CPQ: variants seen among roughly 807,000 people sequenced by gnomAD.
CPQ encodes the protein carboxypeptidase Q.
CPQ carries 37 observed loss-of-function variants against 45.7 expected under a neutral mutation model. That is an observed-to-expected ratio of 0.81 (90% CI 0.62 to 1.07). CPQ has a LOEUF of 1.07. Ranked by LOEUF, CPQ falls within the 50% of genes least tolerant of loss-of-function variation. CPQ has a pLI of 0.00. For synonymous variants in CPQ, 186 were observed against 205.8 expected (o/e 0.90, Z 0.82); for missense variants, 537 against 572.9 (o/e 0.94, Z 0.64).
At chr8:96,958,399 G>A (rs1309999884) in intron 4 of CPQ, among the ~76,000 whole-genome samples, 1 of 152,042 alleles carries the variant, frequency 6.6e-6, no homozygotes. Context: ...AACTTATACT[G>A]TGGTTGCTGA....
intron 5 of CPQ, among the ~76,000 whole-genome samples, chr8:96,990,772 C>T (rs1223732188): frequency 6.6e-6 from 1 of 152,170 alleles, no homozygotes; most frequent in Admixed American, 6.5e-5. Context: ...ACAGGATGGG[C>T]ATTCTGGTAA....
At chr8:96,698,104 C>G (rs1690301741) in intron 1 of CPQ, among the ~76,000 whole-genome samples, 1 of 152,064 alleles carries the variant, frequency 6.6e-6, no homozygotes, top group African/African-American at 2.4e-5. Flanking sequence ...TCAAATTATA[C>G]TACTGAGCCA....
rs1317521114 is a variant in CPQ at position 97,071,945 on chromosome 8, G to A, written c.1255+5735G>A. ...TTGTGGTCCCAGGATGGCTGCAGTT[G>A]CTCTAAGCAGCACATTCTCATACAT... On this transcript the variant is annotated intron_variant, in intron 7 of 7. Transcript: ENST00000220763. Among the ~76,000 whole-genome samples, 3 of 152,102 alleles carry A rather than the reference G, an allele frequency of 2.0e-5. No homozygotes were observed. In the South Asian group the frequency reaches 6.2e-4, roughly 32 times the overall value.
intron 4 of CPQ, among the ~76,000 whole-genome samples, chr8:96,960,742 A>G (rs1484462837): frequency 6.6e-6 from 1 of 152,176 alleles, no homozygotes; most frequent in African/African-American, 2.4e-5. Context: ...ATATATTATT[A>G]CTGAAGATTA....
chr8:96,959,527 C>T (rs182349603), intron 4 of CPQ, among the ~76,000 whole-genome samples: 2 of 152,170 alleles, frequency 1.3e-5, no homozygotes, highest in Non-Finnish European at 2.9e-5. Flanking sequence ...GCTTCTTGCT[C>T]GCTTATATGA....
chr8:96,940,171 A>G (rs1356092884), intron 4 of CPQ, among the ~76,000 whole-genome samples: 1 of 152,082 alleles, frequency 6.6e-6, no homozygotes, highest in African/African-American at 2.4e-5. Context: ...CTAATAAATT[A>G]TATTTAAAAA....
At chr8:96,690,661 C>T (rs138342204) in intron 1 of CPQ, among the ~76,000 whole-genome samples, 203 of 152,286 alleles carry the variant, frequency 1.3e-3, no homozygotes, top group African/African-American at 4.6e-3. Context: ...CTTGCAACTC[C>T]GTTTGAGCTG....
intron 5 of CPQ, among the ~76,000 whole-genome samples, chr8:97,027,536 C>T (rs1201594868): frequency 6.6e-6 from 1 of 152,126 alleles, no homozygotes; most frequent in Non-Finnish European, 1.5e-5. Context: ...GATAAAGAGG[C>T]ATAAGTTCAG....
At chr8:96,857,049 T>C (rs1365801425) in intron 3 of CPQ, among the ~76,000 whole-genome samples, 2 of 152,220 alleles carry the variant, frequency 1.3e-5, no homozygotes, top group Non-Finnish European at 2.9e-5. Context: ...CTTTCTTGTG[T>C]AGGTTGACAA....
In CPQ at chr8:96,680,263, C is replaced by A. The variant is rs151175562; in HGVS notation, c.-35+34861C>A. ...TTGTTACTGATATATAGTTTTAGTT[C>A]ATTGTTGAAATTCCCAACTGATATG... is the stretch of plus-strand genomic sequence containing the variant. On this transcript the variant is annotated intron_variant, in intron 1 of 7. Transcript: ENST00000220763. Among the ~76,000 whole-genome samples, 970 of 152,162 alleles carry A rather than the reference C, an allele frequency of 6.4e-3. 5 individuals are homozygous for A. The highest frequency in any genetic ancestry group is 0.018 in the African/African-American group (750 of 41,510).
At chr8:96,705,685 A>G (rs1240760948) in intron 1 of CPQ, among the ~76,000 whole-genome samples, 3 of 152,078 alleles carry the variant, frequency 2.0e-5, no homozygotes, top group South Asian at 2.1e-4. Context: ...AGGTCTCCCA[A>G]TAGTCCCTTT....
chr8:96,888,965 T>G (rs1812338900), intron 4 of CPQ, among the ~76,000 whole-genome samples: 1 of 152,250 alleles, frequency 6.6e-6, no homozygotes, highest in Non-Finnish European at 1.5e-5. Context: ...GCATAACCTG[T>G]AAAATTTGCA....
chr8:96,911,987 A>G (rs1224189623), intron 4 of CPQ, among the ~76,000 whole-genome samples: 3 of 152,082 alleles, frequency 2.0e-5, no homozygotes, highest in African/African-American at 7.2e-5. Flanking sequence ...CCCTTTCCCC[A>G]TCTGTAAAGT....
chr8:97,123,361 T>A (rs1413377411), intron 7 of CPQ, among the ~76,000 whole-genome samples: 1 of 149,338 alleles, frequency 6.7e-6, no homozygotes, highest in Non-Finnish European at 1.5e-5. Context: ...GATATAATAA[T>A]GATATAATAG....
chr8:97,066,221 A>C lies in CPQ; in HGVS notation c.1255+11A>C, dbSNP rs779338094. 9 of 1,605,738 alleles carry C rather than the reference A, an allele frequency of 5.6e-6. No individual in the cohort carries two copies. The highest frequency in any genetic ancestry group is 7.6e-6 in the Non-Finnish European group (9 of 1,177,614). On this transcript the variant is annotated intron_variant, in intron 7 of 7. Transcript: ENST00000220763. ...AAGCTGGAGTGCCTGGTAAGACCAA[A>C]AGATGAAGTTGTGTTCCTTATATAT...
chr8:96,983,828 CTT>C (rs77058864), intron 5 of CPQ, among the ~76,000 whole-genome samples: 10 of 137,876 alleles, frequency 7.3e-5, no homozygotes, highest in African/African-American at 7.9e-5. Flanking sequence ...TTTTTGGTTA[CTT>C]TTTTTTTTTT....
chr8:96,929,495 C>T (rs922182974), intron 4 of CPQ, among the ~76,000 whole-genome samples: 4 of 152,136 alleles, frequency 2.6e-5, no homozygotes, highest in African/African-American at 9.7e-5. Context: ...CTCTCAGCTC[C>T]AATGCTGTGT....
At chr8:96,751,527 C>T (rs1363688879) in intron 1 of CPQ, among the ~76,000 whole-genome samples, 3 of 152,052 alleles carry the variant, frequency 2.0e-5, no homozygotes, top group Non-Finnish European at 4.4e-5. Context: ...TTTGTAGATT[C>T]TAGATATTAG....
At chr8:97,096,891 T>G (rs765042973) in intron 7 of CPQ, among the ~76,000 whole-genome samples, 5 of 152,202 alleles carry the variant, frequency 3.3e-5, no homozygotes, top group Admixed American at 2.0e-4. Context: ...CAGAATTCAG[T>G]CTATTTCCAT....
Sources: allele counts gnomAD v4.1 joint callset (sites outside exome capture counted in the v4.1 genomes callset), GRCh38; gene constraint gnomAD v4.1.1; transcripts MANE v1.5; gene names NCBI Gene and HGNC (gene_info 2026-07-23, HGNC 2026-07-21).